NRXN1: variants seen among roughly 807,000 people sequenced by gnomAD.
NRXN1 encodes neurexin 1, also known as neurexin-1.
Under a neutral mutation model 150.9 loss-of-function variants are expected in NRXN1, and 39 were observed. The ratio of observed to expected loss-of-function variants is 0.26; its 90% confidence interval spans 0.20 to 0.34. The LOEUF is 0.34. Among genes scored for constraint, NRXN1 ranks in the 10% least tolerant of loss-of-function variants. The pLI is 1.00. For missense variants in NRXN1, 1,815 were observed against 1,949.9 expected (o/e 0.93, Z 1.30); for synonymous variants, 924 against 757.0 (o/e 1.22, Z -3.62).
chr2:50,478,702 T>A (rs1355215978), intron 15 of NRXN1, among the ~76,000 whole-genome samples: 1 of 152,220 alleles, frequency 6.6e-6, no homozygotes, highest in Admixed American at 6.5e-5. Context: ...CAGCCTAAAA[T>A]CAAACCTTCA....
chr2:50,261,558 T>C (rs2068284990), intron 17 of NRXN1, among the ~76,000 whole-genome samples: 1 of 151,834 alleles, frequency 6.6e-6, no homozygotes, highest in Non-Finnish European at 1.5e-5. Context: ...TAAATATACT[T>C]ATGGAACTCT....
At chr2:50,606,816 T>C (rs1258582836) in intron 8 of NRXN1, among the ~76,000 whole-genome samples, 2 of 152,120 alleles carry the variant, frequency 1.3e-5, no homozygotes, top group Non-Finnish European at 2.9e-5. Flanking sequence ...GAAGTAATAC[T>C]TAAAGAAAAA....
At chr2:50,394,015 T>C (rs962106040) in intron 17 of NRXN1, among the ~76,000 whole-genome samples, 2 of 152,134 alleles carry the variant, frequency 1.3e-5, no homozygotes, top group Non-Finnish European at 2.9e-5. Context: ...TTTGAAACAC[T>C]TTATTTTTTC....
At chr2:50,191,034 A>T (rs1298774026) in intron 18 of NRXN1, among the ~76,000 whole-genome samples, 1 of 150,298 alleles carries the variant, frequency 6.7e-6, no homozygotes, top group Non-Finnish European at 1.5e-5. Flanking sequence ...TCCTTCACTC[A>T]GTTTCTTTCT....
chr2:50,730,926 G>A (rs1046588633), intron 5 of NRXN1, among the ~76,000 whole-genome samples: 5 of 152,016 alleles, frequency 3.3e-5, no homozygotes, highest in Non-Finnish European at 7.4e-5. Flanking sequence ...GCCTGCCTCC[G>A]CCTCCCAAAG....
intron 8 of NRXN1, among the ~76,000 whole-genome samples, chr2:50,610,243 C>T (rs1677811082): frequency 6.6e-6 from 1 of 152,014 alleles, no homozygotes; most frequent in South Asian, 2.1e-4. Flanking sequence ...AAGTAACAAA[C>T]TTAAATTTAT....
intron 5 of NRXN1, among the ~76,000 whole-genome samples, chr2:50,915,086 AT>A (rs1685032169): frequency 6.6e-6 from 1 of 151,722 alleles, no homozygotes; most frequent in African/African-American, 2.4e-5. Flanking sequence ...AAATTGCAGT[AT>A]TAAGCAGGGT....
At chr2:49,926,551 G>A (rs1445619103) in intron 22 of NRXN1, among the ~76,000 whole-genome samples, 1 of 152,140 alleles carries the variant, frequency 6.6e-6, no homozygotes, top group African/African-American at 2.4e-5. Context: ...TGATAATTCA[G>A]ATGATAATTC....
At chr2:50,327,089 C>G (rs2076435017) in intron 17 of NRXN1, among the ~76,000 whole-genome samples, 1 of 152,150 alleles carries the variant, frequency 6.6e-6, no homozygotes, top group Admixed American at 6.6e-5. Flanking sequence ...TGTGTCCCAA[C>G]TCATTTAAAA....
At chr2:50,687,727 G>C (rs1489046623) in intron 5 of NRXN1, among the ~76,000 whole-genome samples, 1 of 152,198 alleles carries the variant, frequency 6.6e-6, no homozygotes, top group South Asian at 2.1e-4. Context: ...GGGCAACCGC[G>C]TTAGGGTTGA....
chr2:50,005,109 T>C (rs1371737066), intron 21 of NRXN1, among the ~76,000 whole-genome samples: 1 of 152,168 alleles, frequency 6.6e-6, no homozygotes, highest in Non-Finnish European at 1.5e-5. Flanking sequence ...CATTATTGAA[T>C]ATTTGCACTG....
At chr2:50,467,689 A>G (rs929696418) in intron 16 of NRXN1, among the ~76,000 whole-genome samples, 3 of 151,446 alleles carry the variant, frequency 2.0e-5, no homozygotes, top group African/African-American at 7.3e-5. Flanking sequence ...AATTGTAACA[A>G]TAATTAAAAC....
chr2:50,645,729 T>A (rs1684726898), intron 5 of NRXN1, among the ~76,000 whole-genome samples: 1 of 151,950 alleles, frequency 6.6e-6, no homozygotes, highest in Non-Finnish European at 1.5e-5. Context: ...TAATGAAATT[T>A]TATATTATTA....
chr2:50,812,032 A>G (rs1668284462), intron 5 of NRXN1, among the ~76,000 whole-genome samples: 1 of 152,138 alleles, frequency 6.6e-6, no homozygotes, highest in Admixed American at 6.5e-5. Context: ...AATTGTATAC[A>G]GATGTTAAGT....
At chr2:50,329,673 ATT>A (rs749453098) in intron 17 of NRXN1, among the ~76,000 whole-genome samples, 646 of 28,698 alleles carry the variant, frequency 0.023, 59 homozygotes, top group Non-Finnish European at 0.027. Flanking sequence ...ATATATATAT[ATT>A]TTTTTTTTTC....
chr2:50,740,338 C>G (rs1699281522), intron 5 of NRXN1, among the ~76,000 whole-genome samples: 1 of 152,134 alleles, frequency 6.6e-6, no homozygotes, highest in Non-Finnish European at 1.5e-5. Flanking sequence ...CATACACCCA[C>G]CCAGCATCCT....
At chr2:50,186,420 C>A (rs1272422370) in intron 18 of NRXN1, among the ~76,000 whole-genome samples, 1 of 152,030 alleles carries the variant, frequency 6.6e-6, no homozygotes, top group Non-Finnish European at 1.5e-5. Flanking sequence ...TTCAGAATCT[C>A]AAATATGAAT....
chr2:49,959,941 C>A (rs941036781), intron 21 of NRXN1, among the ~76,000 whole-genome samples: 1 of 152,184 alleles, frequency 6.6e-6, no homozygotes, highest in African/African-American at 2.4e-5. Context: ...AAAAGCCAAA[C>A]AGTGCATGAA....
At chr2:49,994,164 T>C (rs1682517947) in intron 21 of NRXN1, among the ~76,000 whole-genome samples, 1 of 152,194 alleles carries the variant, frequency 6.6e-6, no homozygotes, top group Non-Finnish European at 1.5e-5. Flanking sequence ...TTAATGCCTA[T>C]GAAGACTCAT....
Sources: allele counts gnomAD v4.1 joint callset (sites outside exome capture counted in the v4.1 genomes callset), GRCh38; gene constraint gnomAD v4.1.1; transcripts MANE v1.5; gene names NCBI Gene and HGNC (gene_info 2026-07-23, HGNC 2026-07-21).